The following MCC variants were observed in gnomAD, a reference collection of about 807,000 sequenced individuals.
The protein encoded by MCC is colorectal mutant cancer protein.
MCC carries 90 observed loss-of-function variants against 116.2 expected under a neutral mutation model. The observed-to-expected ratio is 0.77, with a 90% confidence interval of 0.65 to 0.92. The LOEUF (loss-of-function observed/expected upper bound fraction) is 0.92. Among genes scored for constraint, MCC ranks in the 40% least tolerant of loss-of-function variants. The pLI is 0.00. For missense variants in MCC, 1,516 were observed against 1,312.2 expected (o/e 1.16, Z -2.40); for synonymous variants, 578 against 510.5 (o/e 1.13, Z -1.78).
At chr5:113,261,759 T>C (rs1765228062) in intron 3 of MCC, among the ~76,000 whole-genome samples, 1 of 151,866 alleles carries the variant, frequency 6.6e-6, no homozygotes, top group African/African-American at 2.4e-5. Context: ...AGACAGGGTA[T>C]AAAGAAGCAT....
chr5:113,092,084 A>G (rs1755684310), intron 8 of MCC, among the ~76,000 whole-genome samples: 1 of 152,218 alleles, frequency 6.6e-6, no homozygotes, highest in South Asian at 2.1e-4. Context: ...TTAAAATCTA[A>G]TGCCTACTTA....
At chr5:113,185,881 G>A (rs1427310938) in intron 3 of MCC, among the ~76,000 whole-genome samples, 1 of 152,172 alleles carries the variant, frequency 6.6e-6, no homozygotes, top group African/African-American at 2.4e-5. Context: ...GGAAATGAAT[G>A]AGGAGGTCAC....
At chr5:113,123,154 G>T (rs78690682) in intron 5 of MCC, among the ~76,000 whole-genome samples, 2,478 of 152,278 alleles carry the variant, frequency 0.016, 57 homozygotes, top group African/African-American at 0.057. Flanking sequence ...TAAGAACTAA[G>T]GCTACTAGCA....
rs541814677 is a variant in MCC at position 113,317,162 on chromosome 5, G to C, written c.627+23357C>G. 5.9e-5 allele frequency among the ~76,000 whole-genome samples: 9 copies of C among 152,266 alleles called. No individual in the cohort carries two copies. The South Asian group carries it at 1.5e-3, about 25-fold the overall frequency. ...ACACAAACATTCAGATTAAGTGAAGGAACTTGATTAAACCCACAGTTCAAA... is the reference window on the plus strand; with the variant it reads ...ACACAAACATTCAGATTAAGTGAAGCAACTTGATTAAACCCACAGTTCAAA... On this transcript the variant is annotated intron_variant, in intron 3 of 18. Transcript: ENST00000408903.
intron 1 of MCC, among the ~76,000 whole-genome samples, chr5:113,458,792 G>A (rs1771654941): frequency 6.6e-6 from 1 of 152,102 alleles, no homozygotes; most frequent in Non-Finnish European, 1.5e-5. Context: ...CCTGTATATG[G>A]CATGGTTATC....
chr5:113,035,265 A>T (rs764004259), intron 17 of MCC, among the ~76,000 whole-genome samples: 3 of 151,948 alleles, frequency 2.0e-5, no homozygotes, highest in Non-Finnish European at 4.4e-5. Context: ...TCCTCCCCTC[A>T]TCCTTGACAT....
intron 4 of MCC, among the ~76,000 whole-genome samples, chr5:113,144,920 C>A (rs1759401575): frequency 2.6e-5 from 4 of 152,170 alleles, no homozygotes; most frequent in Admixed American, 2.6e-4. Context: ...AGGCAAGGAT[C>A]AAGGTTGAAT....
chr5:113,460,783 T>C (rs1771721701), intron 1 of MCC, among the ~76,000 whole-genome samples: 1 of 152,216 alleles, frequency 6.6e-6, no homozygotes, highest in Non-Finnish European at 1.5e-5. Flanking sequence ...GTGTGGCCCA[T>C]GGACCTGCAG....
At chr5:113,078,613 T>C (rs1297267897) in intron 11 of MCC, among the ~76,000 whole-genome samples, 4 of 152,196 alleles carry the variant, frequency 2.6e-5, no homozygotes, top group Non-Finnish European at 5.9e-5. Context: ...CAACAGCTCT[T>C]CATGCTAAAA....
At chr5:113,288,258 C>G (rs766078302) in intron 3 of MCC, among the ~76,000 whole-genome samples, 7 of 152,228 alleles carry the variant, frequency 4.6e-5, no homozygotes, top group Non-Finnish European at 8.8e-5. Context: ...ATTTGGCCAA[C>G]TGTAGAAGGA....
intron 11 of MCC, among the ~76,000 whole-genome samples, chr5:113,074,900 G>A (rs142970408): frequency 6.6e-6 from 1 of 152,328 alleles, no homozygotes; most frequent in Non-Finnish European, 1.5e-5. Context: ...GTGACAAAGT[G>A]CTAGCAGCCC....
chr5:113,129,325 A>G (rs1306588597), intron 5 of MCC, among the ~76,000 whole-genome samples: 1 of 152,258 alleles, frequency 6.6e-6, no homozygotes, highest in African/African-American at 2.4e-5. Context: ...GTCAAATGCC[A>G]TAGAAAGAGA....
intron 1 of MCC, among the ~76,000 whole-genome samples, chr5:113,446,940 A>G (rs1771238103): frequency 6.6e-6 from 1 of 152,174 alleles, no homozygotes; most frequent in Non-Finnish European, 1.5e-5. Flanking sequence ...TACCCCCTGA[A>G]TCTAAAATAA....
intron 3 of MCC, among the ~76,000 whole-genome samples, chr5:113,178,926 T>C (rs58551273): frequency 0.15 from 22,207 of 152,246 alleles, 2,042 homozygotes; most frequent in African/African-American, 0.25. Flanking sequence ...AAAAATCTTA[T>C]AATATTTACA....
intron 13 of MCC, among the ~76,000 whole-genome samples, chr5:113,067,693 C>G (rs1202968295): frequency 6.6e-6 from 1 of 152,224 alleles, no homozygotes; most frequent in Non-Finnish European, 1.5e-5. Flanking sequence ...TGGAGAAGCT[C>G]AGCCAATGGA....
At chr5:113,112,516 G>A (rs1396865907) in intron 6 of MCC, among the ~76,000 whole-genome samples, 1 of 152,164 alleles carries the variant, frequency 6.6e-6, no homozygotes, top group African/African-American at 2.4e-5. Context: ...CCCCAGTCAT[G>A]CTTCCGGTAC....
In MCC at chr5:113,434,177, G is replaced by C. The variant is rs1363864617; in HGVS notation, c.171-48965C>G. ...CCTTCTGGATACGCAGCATCTTCTT[G>C]ATGTTGGAGTCGTCGTAGGGCATGG... On this transcript the variant is annotated intron_variant, in intron 1 of 18. Transcript: ENST00000408903. The surrounding 1 kb of genome is among the most constrained non-coding windows in gnomAD (Gnocchi z 4.2). 1 of 1,614,174 alleles carries C rather than the reference G, an allele frequency of 6.2e-7. No homozygotes were observed. Among genetic ancestry groups the C allele is most frequent in the Non-Finnish European group, 8.5e-7 (1 of 1,180,006 alleles).
intron 3 of MCC, among the ~76,000 whole-genome samples, chr5:113,288,653 A>C (rs559570957): frequency 1.3e-5 from 2 of 152,322 alleles, no homozygotes; most frequent in Admixed American, 1.3e-4. Flanking sequence ...AAATCAAGTT[A>C]AACAGGCTTA....
At chr5:113,267,324 T>C (rs1212291510) in intron 3 of MCC, among the ~76,000 whole-genome samples, 1 of 152,156 alleles carries the variant, frequency 6.6e-6, no homozygotes, top group East Asian at 1.9e-4. Flanking sequence ...TTAACCCAAA[T>C]GTAATTATGT....
Sources: allele counts gnomAD v4.1 joint callset (sites outside exome capture counted in the v4.1 genomes callset), GRCh38; gene constraint gnomAD v4.1.1; non-coding constraint Gnocchi (gnomAD v3.1); transcripts MANE v1.5; gene names NCBI Gene and HGNC (gene_info 2026-07-23, HGNC 2026-07-21).